Variants in RPAP3 observed in about 807,000 individuals in gnomAD.
The protein encoded by RPAP3 is RNA polymerase II associated protein 3.
RPAP3 carries 58 observed loss-of-function variants against 88.8 expected under a neutral mutation model. The ratio of observed to expected loss-of-function variants is 0.65; its 90% CI spans 0.53 to 0.81. RPAP3 has a LOEUF of 0.81. RPAP3 is among the 40% of genes least tolerant of loss of function. The pLI is 0.00. For synonymous variants in RPAP3, 255 were observed against 259.9 expected, an observed-to-expected ratio of 0.98 and a Z score of 0.18; for missense variants, 751 against 764.3, an observed-to-expected ratio of 0.98 and a Z score of 0.20.
chr12:47,705,663 G>C (rs111685723), intron 1 of RPAP3, among the ~76,000 whole-genome samples: 6 of 152,264 alleles, frequency 3.9e-5, no homozygotes, highest in South Asian at 4.1e-4. Flanking sequence ...CGGTCTTTGC[G>C]GGAGGGCGGC....
At chr12:47,702,661 G>T in intron 2 of RPAP3, 27 bp downstream of exon 2, 1 of 1,497,178 alleles carries the variant, frequency 6.7e-7, no homozygotes, top group Non-Finnish European at 9.0e-7. Flanking sequence ...AGTTTTGGTG[G>T]ATCTTAATTA....
intron 2 of RPAP3, among the ~76,000 whole-genome samples, chr12:47,702,360 A>G (rs912695313): frequency 2.0e-5 from 3 of 152,254 alleles, no homozygotes; most frequent in Admixed American, 2.0e-4. Flanking sequence ...ATCCTGGCCA[A>G]CATGATGAGA....
chr12:47,690,722 C>T, intron 5 of RPAP3, 83 bp from the exon 6 acceptor site: 2 of 1,038,378 alleles, frequency 1.9e-6, no homozygotes, highest in Non-Finnish European at 2.6e-6. Flanking sequence ...TTCTGAAATC[C>T]TTGAAAAGAG....
At chr12:47,695,883 C>G (rs1565722296) in intron 5 of RPAP3, 1 of 153,266 alleles carries the variant, frequency 6.5e-6, no homozygotes, top group African/African-American at 2.4e-5. Flanking sequence ...TAAAGACAAA[C>G]AAATGTTGAA....
chr12:47,672,902 C>T (rs1445034566), intron 12 of RPAP3, among the ~76,000 whole-genome samples: 1 of 152,164 alleles, frequency 6.6e-6, no homozygotes, highest in African/African-American at 2.4e-5. Flanking sequence ...TGGGATATTA[C>T]ACATATCACG....
chr12:47,697,325 AC>A (rs1221014657), intron 4 of RPAP3, among the ~76,000 whole-genome samples: 5 of 152,158 alleles, frequency 3.3e-5, no homozygotes, highest in Non-Finnish European at 4.4e-5. Context: ...ACCCATAAGA[AC>A]CCGTTGAGGT....
rs1251954941 is a variant in RPAP3, at chr12:47,674,344, C to T, written c.1288-3999G>A. Among the ~76,000 whole-genome samples, 5 of 152,252 alleles carry T rather than the reference C, an allele frequency of 3.3e-5. No homozygotes were observed. The South Asian group carries it at 1.0e-3, about 32-fold the overall frequency. On this transcript the variant is annotated intron_variant, in intron 12 of 16. Transcript: ENST00000005386. Reference sequence around the variant, plus strand: ...TAAAAATCAGAGCACCTATTCTCTTCCAAAGGAACACAGCTCCTCACCAGC... The same window carrying T: ...TAAAAATCAGAGCACCTATTCTCTTTCAAAGGAACACAGCTCCTCACCAGC...
At chr12:47,677,827 T>G (rs1326055120) in intron 12 of RPAP3, among the ~76,000 whole-genome samples, 2 of 152,164 alleles carry the variant, frequency 1.3e-5, no homozygotes, top group Non-Finnish European at 2.9e-5. Context: ...CTGCCCAAAG[T>G]AATTTATAGA....
rs1938888576 is a variant in RPAP3 at position 47,667,018 on chromosome 12, T to C, written c.1874A>G (p.Asp625Gly). The C allele has an allele frequency of 6.5e-7, 1 of 1,547,918 alleles. No individual in the cohort carries two copies. Among genetic ancestry groups the C allele is most frequent in the Non-Finnish European group, 8.7e-7 (1 of 1,155,956 alleles). Reference sequence around the variant, plus strand: ...TTCTGACATAAACATCACTGCCATATCAAACCTTTTTAGTTCAGAAAGTCT... The same window carrying C: ...TTCTGACATAAACATCACTGCCATACCAAACCTTTTTAGTTCAGAAAGTCT... ...LQRLSELKRF[D>G]MAVMFMSETE... The change falls in exon 16 of 17, where the codon GAT becomes GGT. Residue 625 changes from aspartate (D) to glycine (G), a missense_variant. Coordinates refer to ENST00000005386, the MANE Select transcript of RPAP3 (RefSeq NM_024604.3).
intron 6 of RPAP3, 142 bp from the exon 7 acceptor site, chr12:47,689,337 G>C: frequency 6.0e-6 from 3 of 502,724 alleles, no homozygotes; most frequent in South Asian, 2.6e-5. Flanking sequence ...ACTATCATTA[G>C]GCCACTGAAC....
rs1036368322 is a variant in RPAP3, at chr12:47,662,388, G to C, written c.*1117C>G. 6.6e-6 allele frequency: 1 copy of C among 152,070 alleles called. No individual in the cohort carries two copies. The highest frequency in any genetic ancestry group is 2.4e-5 in the African/African-American group (1 of 41,394). The allele number at this position is 152,070 out of a possible 1,614,324, so 9.4% of individuals were successfully genotyped here. A position where few individuals can be genotyped will look rare whatever the true frequency, so the allele number is the denominator to read the frequency against. On this transcript the variant is annotated 3_prime_UTR_variant, in exon 17 of 17. Transcript: ENST00000005386. ...TCAATAATTTATACCACAATCTGAAGAAATTATCTTTGTAAATAAATTATG... is the reference window on the plus strand; with the variant it reads ...TCAATAATTTATACCACAATCTGAACAAATTATCTTTGTAAATAAATTATG...
intron 12 of RPAP3, among the ~76,000 whole-genome samples, chr12:47,676,854 C>T (rs1455646871): frequency 6.6e-6 from 1 of 152,102 alleles, no homozygotes; most frequent in Non-Finnish European, 1.5e-5. Context: ...CTATTCCAAT[C>T]AATAGAAAAA....
intron 9 of RPAP3, among the ~76,000 whole-genome samples, chr12:47,684,601 A>G (rs962513557): frequency 6.6e-6 from 1 of 152,246 alleles, no homozygotes; most frequent in African/African-American, 2.4e-5. Context: ...TTAATTTAAA[A>G]TATACTCTGC....
intron 13 of RPAP3, 48 bp from the exon 14 acceptor site, chr12:47,669,150 T>A: frequency 7.3e-7 from 1 of 1,361,552 alleles, no homozygotes; most frequent in Non-Finnish European, 1.0e-6. Flanking sequence ...TAAATAATCA[T>A]AGCTCAATCA....
chr12:47,677,584 C>G (rs1394592689), intron 12 of RPAP3, among the ~76,000 whole-genome samples: 1 of 151,968 alleles, frequency 6.6e-6, no homozygotes, highest in Non-Finnish European at 1.5e-5. Flanking sequence ...CACAAGCATT[C>G]CTATACACCA....
intron 1 of RPAP3, among the ~76,000 whole-genome samples, chr12:47,705,493 G>A (rs1314889293): frequency 6.6e-6 from 1 of 152,182 alleles, no homozygotes. Context: ...ACCCATCACC[G>A]CTGCTGCTCG....
chr12:47,679,410 T>C (rs1361472431), intron 12 of RPAP3, 83 bp downstream of exon 12: 2 of 854,790 alleles, frequency 2.3e-6, no homozygotes, highest in Non-Finnish European at 3.6e-6. Flanking sequence ...AAAAAAAAAG[T>C]TTATTAATAC....
chr12:47,666,659 G>A (rs886337230), intron 16 of RPAP3, among the ~76,000 whole-genome samples: 1 of 152,102 alleles, frequency 6.6e-6, no homozygotes, highest in African/African-American at 2.4e-5. Flanking sequence ...GCCTGGGTTC[G>A]AATCCTAGGT....
chr12:47,679,868 C>A (rs1939189278), intron 10 of RPAP3, 94 bp from the exon 11 acceptor site: 9 of 862,130 alleles, frequency 1.0e-5, no homozygotes, highest in Non-Finnish European at 1.5e-5. Context: ...TTAGTAATCA[C>A]ATTTTTAGCT....
Sources: allele counts gnomAD v4.1 joint callset (sites outside exome capture counted in the v4.1 genomes callset), GRCh38; gene constraint gnomAD v4.1.1; transcripts MANE v1.5; gene names NCBI Gene and HGNC (gene_info 2026-07-23, HGNC 2026-07-21).